Variants in CADM2 observed in about 807,000 individuals in gnomAD.
CADM2 encodes cell adhesion molecule 2.
In CADM2, 12 loss-of-function variants were observed where a neutral mutation model predicts 49.8. That is an observed-to-expected ratio of 0.24 (90% CI 0.15 to 0.39). The LOEUF (loss-of-function observed/expected upper bound fraction) is 0.39, where lower values mean the gene tolerates loss of function less well. CADM2 is among the 10% of genes least tolerant of loss of function. CADM2 has a pLI of 1.00. For synonymous variants in CADM2, 214 were observed against 175.4 expected (o/e 1.22, Z -1.74); for missense variants, 378 against 492.3 (o/e 0.77, Z 2.20).
Position 85,770,438 on chromosome 3 carries a change from C to G in CADM2, c.89-31609C>G, listed in dbSNP as rs117582580. Among the ~76,000 whole-genome samples, 330 of 152,034 alleles carry G rather than the reference C, an allele frequency of 2.2e-3. 6 individuals are homozygous for G. The East Asian group carries it at 0.062, about 29-fold the overall frequency. On this transcript the variant is annotated intron_variant, in intron 2 of 9. Coordinates refer to ENST00000383699, the MANE Select transcript of CADM2 (RefSeq NM_001167675.2). ...TCCTGATCCTTCCACCTCAGCCTCC[C>G]AAGTAGCTGAGACTAAAGGCATGCA...
intron 1 of CADM2, among the ~76,000 whole-genome samples, chr3:85,557,690 G>C (rs1290004296): frequency 2.0e-5 from 3 of 151,896 alleles, no homozygotes; most frequent in Non-Finnish European, 4.4e-5. Context: ...TATTCATTTT[G>C]TTGCGGAAAA....
intron 1 of CADM2, among the ~76,000 whole-genome samples, chr3:85,307,349 A>G (rs2044238597): frequency 6.6e-6 from 1 of 151,716 alleles, no homozygotes; most frequent in Admixed American, 6.6e-5. Context: ...AAGAGCTGTT[A>G]TACTTGGCCT....
At chr3:85,343,159 G>A (rs922541232) in intron 1 of CADM2, among the ~76,000 whole-genome samples, 62 of 152,064 alleles carry the variant, frequency 4.1e-4, no homozygotes, top group African/African-American at 1.5e-3. Context: ...CACATTGCAC[G>A]ATGTACAGCA....
chr3:85,497,722 T>C (rs1238898500), intron 1 of CADM2, among the ~76,000 whole-genome samples: 6 of 152,070 alleles, frequency 3.9e-5, no homozygotes, highest in Non-Finnish European at 7.4e-5. Context: ...TTATTTTTCT[T>C]AAAGCGTAAC....
At chr3:84,992,396 C>T (rs561917340) in intron 1 of CADM2, among the ~76,000 whole-genome samples, 1 of 140,576 alleles carries the variant, frequency 7.1e-6, no homozygotes, top group East Asian at 2.0e-4. Context: ...TTTGGCAAGC[C>T]GAGGCGGGCG....
chr3:85,662,288 G>C (rs1350930888), intron 1 of CADM2, among the ~76,000 whole-genome samples: 4 of 146,954 alleles, frequency 2.7e-5, no homozygotes, highest in African/African-American at 1.0e-4. Flanking sequence ...TGCCAGCAAT[G>C]TGGTAAAAAA....
intron 1 of CADM2, among the ~76,000 whole-genome samples, chr3:85,482,501 T>G (rs1311946074): frequency 1.3e-5 from 2 of 151,946 alleles, no homozygotes; most frequent in East Asian, 3.9e-4. Flanking sequence ...TTGTGATGGC[T>G]AATTCTATTT....
intron 1 of CADM2, among the ~76,000 whole-genome samples, chr3:85,648,109 T>C (rs2064941912): frequency 6.6e-6 from 1 of 151,940 alleles, no homozygotes; most frequent in Non-Finnish European, 1.5e-5. Flanking sequence ...GTTTCTGTGG[T>C]GTAATTTAGG....
intron 1 of CADM2, among the ~76,000 whole-genome samples, chr3:85,419,269 C>G (rs1386319440): frequency 6.7e-6 from 1 of 149,458 alleles, no homozygotes; most frequent in African/African-American, 2.5e-5. Flanking sequence ...TCCTGGCTAA[C>G]ACGTTGAAAC....
At chr3:85,057,296 C>T (rs1437065297) in intron 1 of CADM2, among the ~76,000 whole-genome samples, 2 of 146,226 alleles carry the variant, frequency 1.4e-5, no homozygotes, top group Non-Finnish European at 3.0e-5. Context: ...TGAAACTTAC[C>T]ATTTTCAGAA....
intron 1 of CADM2, among the ~76,000 whole-genome samples, chr3:85,486,271 C>A (rs942853443): frequency 6.6e-6 from 1 of 151,438 alleles, no homozygotes; most frequent in Non-Finnish European, 1.5e-5. Context: ...ATTTATATTG[C>A]AAAGGTATAC....
At chr3:85,307,942 G>GAAA (rs59683458) in intron 1 of CADM2, among the ~76,000 whole-genome samples, 25 of 127,270 alleles carry the variant, frequency 2.0e-4, no homozygotes, top group African/African-American at 6.7e-4. Flanking sequence ...AGAAAAATTA[G>GAAA]AAAAAAAAAA....
At chr3:85,113,243 GACGTT>G (rs2038523769) in intron 1 of CADM2, among the ~76,000 whole-genome samples, 1 of 152,028 alleles carries the variant, frequency 6.6e-6, no homozygotes, top group Non-Finnish European at 1.5e-5. Context: ...AAGTTGCTAA[GACGTT>G]TGGCTCTGCT....
chr3:85,365,449 A>G (rs747981324), intron 1 of CADM2, among the ~76,000 whole-genome samples: 2 of 152,178 alleles, frequency 1.3e-5, no homozygotes, highest in Non-Finnish European at 2.9e-5. Context: ...GACTAAAAAT[A>G]TTGGCCCATT....
Position 86,058,819 on chromosome 3 carries a change from C to T in CADM2, c.971-6786C>T, listed in dbSNP as rs370360996. Among the ~76,000 whole-genome samples, 10 of 151,846 alleles carry T rather than the reference C, an allele frequency of 6.6e-5. No homozygotes were observed. In the East Asian group the frequency reaches 1.7e-3, roughly 26 times the overall value. On this transcript the variant is annotated intron_variant, in intron 8 of 9. Coordinates refer to ENST00000383699, the MANE Select transcript of CADM2 (RefSeq NM_001167675.2). Reference sequence around the variant, plus strand: ...TATAAAAAAATTTTACATGGTCAGACGCAGTGGCTCACACCTGTAATCCTA... The same window carrying T: ...TATAAAAAAATTTTACATGGTCAGATGCAGTGGCTCACACCTGTAATCCTA...
At chr3:85,144,620 A>AAAAAAAAG (rs373935603) in intron 1 of CADM2, among the ~76,000 whole-genome samples, 1 of 136,388 alleles carries the variant, frequency 7.3e-6, no homozygotes, top group African/African-American at 2.9e-5. Context: ...TCAAAAAAAA[A>AAAAAAAAG]AAAGAAAGAA....
chr3:84,971,070 G>T (rs772326414), intron 1 of CADM2, among the ~76,000 whole-genome samples: 5 of 151,954 alleles, frequency 3.3e-5, no homozygotes, highest in Non-Finnish European at 7.4e-5. Context: ...GTGAGGAAAA[G>T]CTATACCTTC....
At chr3:85,327,787 T>C (rs2044797985) in intron 1 of CADM2, among the ~76,000 whole-genome samples, 1 of 152,158 alleles carries the variant, frequency 6.6e-6, no homozygotes, top group African/African-American at 2.4e-5. Context: ...TTTCTGTAAT[T>C]CATACTGCTT....
intron 5 of CADM2, 75 bp downstream of exon 5, chr3:85,886,402 C>A: frequency 9.0e-7 from 1 of 1,117,014 alleles, no homozygotes; most frequent in Non-Finnish European, 1.3e-6. Flanking sequence ...AGGCATTTTA[C>A]ATTATTTTTC....
Sources: gnomAD v4.1 joint callset for allele counts (sites outside exome capture counted in the v4.1 genomes callset) on GRCh38, gnomAD v4.1.1 for gene constraint, MANE v1.5 for transcripts, NCBI Gene and HGNC (gene_info 2026-07-23, HGNC 2026-07-21) for gene names.